The following PAXIP1 variants were observed in gnomAD, a reference collection of about 807,000 sequenced individuals.
PAXIP1 encodes the protein PAX interacting protein 1.
Under a neutral mutation model 140.6 loss-of-function variants are expected in PAXIP1, and 19 were observed. The observed-to-expected ratio is 0.14, with a 90% CI of 0.09 to 0.20. The LOEUF is 0.20. PAXIP1 is among the 10% of genes least tolerant of loss of function. PAXIP1 has a pLI of 1.00. For synonymous variants in PAXIP1, 442 were observed against 444.6 expected (o/e 0.99, Z 0.07); for missense variants, 920 against 1,208.6 (o/e 0.76, Z 3.54).
At chr7:154,949,709 G>T (rs1808182883) in intron 16 of PAXIP1, 2 of 152,148 alleles carry the variant, frequency 1.3e-5, no homozygotes, top group African/African-American at 4.8e-5. Flanking sequence ...AGACCAGCCT[G>T]GCCAACATGG....
chr7:154,960,010 T>G, intron 12 of PAXIP1, 77 bp from the exon 13 acceptor site: 2 of 891,732 alleles, frequency 2.2e-6, no homozygotes, highest in Non-Finnish European at 3.8e-6. Context: ...AAGTCTTCCC[T>G]GATAATCCTC....
chr7:154,952,205 C>A (rs888333880), intron 16 of PAXIP1: 1 of 152,086 alleles, frequency 6.6e-6, no homozygotes, highest in Non-Finnish European at 1.5e-5. Flanking sequence ...ACATGCGAGC[C>A]GCATTATTTC....
At chr7:154,993,383 C>T (rs1810436337) in intron 3 of PAXIP1, among the ~76,000 whole-genome samples, 1 of 152,206 alleles carries the variant, frequency 6.6e-6, no homozygotes, top group Admixed American at 6.5e-5. Flanking sequence ...TCTTCCCCAA[C>T]TTACTCTTCA....
intron 8 of PAXIP1, among the ~76,000 whole-genome samples, chr7:154,966,482 G>C (rs1809028000): frequency 6.6e-6 from 1 of 152,122 alleles, no homozygotes; most frequent in Non-Finnish European, 1.5e-5. Flanking sequence ...CTGTTCCCAA[G>C]ATCCTATTTA....
chr7:154,961,785 T>C (rs1255472489), intron 10 of PAXIP1, 137 bp from the exon 11 acceptor site: 2 of 755,894 alleles, frequency 2.6e-6, no homozygotes, highest in Non-Finnish European at 4.2e-6. Flanking sequence ...GGTAATATCA[T>C]TCCTAAAACT....
At chr7:154,970,177 T>C (rs1809233135) in intron 6 of PAXIP1, among the ~76,000 whole-genome samples, 1 of 152,230 alleles carries the variant, frequency 6.6e-6, no homozygotes, top group African/African-American at 2.4e-5. Flanking sequence ...CTTATGGTCA[T>C]GGAAATCAGT....
intron 16 of PAXIP1, chr7:154,949,220 G>A (rs1808152539): frequency 6.6e-6 from 1 of 152,150 alleles, no homozygotes; most frequent in Admixed American, 6.5e-5. Context: ...TAGGATTTGT[G>A]GGCTATGTAT....
At chr7:154,994,096 A>C (rs570112637) in intron 2 of PAXIP1, among the ~76,000 whole-genome samples, 4 of 152,058 alleles carry the variant, frequency 2.6e-5, no homozygotes, top group Admixed American at 6.6e-5. Context: ...ACCACCGCCG[A>C]CACCTCATCC....
At chr7:154,967,958 T>G in intron 7 of PAXIP1, 48 bp from the exon 8 acceptor site, 1 of 1,349,590 alleles carries the variant, frequency 7.4e-7, no homozygotes, top group Non-Finnish European at 1.0e-6. Context: ...CCTATGAATA[T>G]GCTTGCACAA....
At chr7:154,959,395 C>T (rs145493963) in intron 13 of PAXIP1, among the ~76,000 whole-genome samples, 2 of 152,158 alleles carry the variant, frequency 1.3e-5, no homozygotes, top group East Asian at 1.9e-4. Context: ...AAAGTCTAAA[C>T]TGAAAAATTA....
At position 154,959,884 on chromosome 7, in the gene PAXIP1, A is replaced by T; in HGVS notation, c.2478+6T>A. 6.3e-7 allele frequency: 1 copy of T among 1,580,630 alleles called. No homozygotes were observed. Among genetic ancestry groups the T allele is most frequent in the Non-Finnish European group, 8.7e-7 (1 of 1,149,732 alleles). On this transcript the variant is annotated splice_donor_region_variant and intron_variant, in intron 13 of 20. Transcript: ENST00000404141. Reference sequence around the variant, plus strand: ...TAGCCAAGGTAAGGTTATTAATTTGACATACCATCAACAACTCTGCAGACA... The same window carrying T: ...TAGCCAAGGTAAGGTTATTAATTTGTCATACCATCAACAACTCTGCAGACA...
chr7:154,947,208 CTT>C (rs1808024693), intron 17 of PAXIP1: 1 of 164,524 alleles, frequency 6.1e-6, no homozygotes, highest in Non-Finnish European at 1.3e-5. Flanking sequence ...GCTTATATCC[CTT>C]TTCTTTATTT....
At chr7:154,949,475 A>T (rs570610412) in intron 16 of PAXIP1, 1 of 152,198 alleles carries the variant, frequency 6.6e-6, no homozygotes, top group Admixed American at 6.5e-5. Flanking sequence ...AAAACAAAAA[A>T]TGATGAATTA....
chr7:154,968,925 G>T lies in PAXIP1; in HGVS notation c.1276C>A (p.Gln426Lys). 1 of 1,381,796 alleles carries T rather than the reference G, an allele frequency of 7.2e-7. No individual in the cohort carries two copies. The highest frequency in any genetic ancestry group is 1.0e-6 in the Non-Finnish European group (1 of 994,516). The allele number at this position is 1,381,796 out of a possible 1,614,324, so 85.6% of individuals were successfully genotyped here. A position where few individuals can be genotyped will look rare whatever the true frequency, so the allele number is the denominator to read the frequency against. ...TGCTGCTGCTGCTGCTGCTGGAGCT[G>T]CATTATCTGCTGGGGCTGAAGGTGT... ...VLHLQPQQIM[Q>K]LQQQQQQQIS... The change falls in exon 7 of 21, where the codon CAG (glutamine) becomes AAG (lysine). Residue 426 changes from glutamine (Q) to lysine (K), a missense_variant. By Grantham distance (53) the Gln-to-Lys change is moderately conservative (BLOSUM62 1). Coordinates refer to ENST00000404141, the MANE Select transcript of PAXIP1 (RefSeq NM_007349.4).
Position 154,967,927 on chromosome 7 carries a change from T to C in PAXIP1, c.1799-17A>G, listed in dbSNP as rs1191999246. ...CTTCTGGAACTAGAGTAAAATTACA[T>C]AAGAAAAAGAAAATTAAAACCCTAT... On this transcript the variant is annotated splice_polypyrimidine_tract_variant and intron_variant, in intron 7 of 20. Coordinates refer to ENST00000404141, the MANE Select transcript of PAXIP1 (RefSeq NM_007349.4). 1.9e-6 allele frequency: 3 copies of C among 1,565,568 alleles called. No homozygotes were observed. In the African/African-American group the frequency reaches 4.1e-5, roughly 21 times the overall value.
chr7:154,946,226 G>A lies in PAXIP1; in HGVS notation c.3194+139C>T. On this transcript the variant is annotated intron_variant, in intron 20 of 20. Transcript: ENST00000404141. The surrounding 1 kb of genome is among the most constrained non-coding windows in gnomAD (Gnocchi z 4.9). ...TCAAATGAATATTCTGAAGAGAAAA[G>A]AATTGTTCACTGCATAAATCACAAT... 6.7e-7 allele frequency: 1 copy of A among 1,482,554 alleles called. No individual in the cohort carries two copies. 91.8% of individuals were successfully genotyped at this position (1,482,554 alleles called of 1,614,324 possible).
intron 6 of PAXIP1, among the ~76,000 whole-genome samples, chr7:154,970,640 C>T (rs1809259195): frequency 6.6e-6 from 1 of 152,160 alleles, no homozygotes; most frequent in African/African-American, 2.4e-5. Context: ...AACATGCCAC[C>T]CCATGGAGCC....
At chr7:154,979,426 G>T (rs1225030070) in intron 5 of PAXIP1, among the ~76,000 whole-genome samples, 1 of 152,012 alleles carries the variant, frequency 6.6e-6, no homozygotes, top group Non-Finnish European at 1.5e-5. Flanking sequence ...CAGTCAGCTG[G>T]TCTCTAGCAC....
At chr7:154,975,050 G>A (rs1242504557) in intron 6 of PAXIP1, among the ~76,000 whole-genome samples, 1 of 150,600 alleles carries the variant, frequency 6.6e-6, no homozygotes. Context: ...CCAGCTACTC[G>A]GGAGGCTGAG....
Sources: allele counts gnomAD v4.1 joint callset (sites outside exome capture counted in the v4.1 genomes callset), GRCh38; gene constraint gnomAD v4.1.1; non-coding constraint Gnocchi (gnomAD v3.1); transcripts MANE v1.5; gene names NCBI Gene and HGNC (gene_info 2026-07-23, HGNC 2026-07-21).